RALGPS2: variants seen among roughly 807,000 people sequenced by gnomAD.
RALGPS2 encodes the protein ras-specific guanine nucleotide-releasing factor RalGPS2.
In RALGPS2, 43 loss-of-function variants were observed where a neutral mutation model predicts 86.8. That is an observed-to-expected ratio of 0.50 (90% CI 0.39 to 0.64). The LOEUF (loss-of-function observed/expected upper bound fraction) is 0.64. Ranked by LOEUF, RALGPS2 falls within the 30% of genes least tolerant of loss-of-function variation. The pLI is 0.00. For synonymous variants in RALGPS2, 243 were observed against 231.3 expected (o/e 1.05, Z -0.46); for missense variants, 536 against 694.6 (o/e 0.77, Z 2.57).
chr1:178,816,175 G>T (rs1481896378), intron 6 of RALGPS2, among the ~76,000 whole-genome samples: 1 of 151,934 alleles, frequency 6.6e-6, no homozygotes, highest in African/African-American at 2.4e-5. Flanking sequence ...AACCCGGTTG[G>T]TTTTACCACT....
At chr1:178,868,798 A>G (rs1380559846) in intron 8 of RALGPS2, among the ~76,000 whole-genome samples, 1 of 151,998 alleles carries the variant, frequency 6.6e-6, no homozygotes, top group Non-Finnish European at 1.5e-5. Flanking sequence ...GGAGGCAACT[A>G]AAAGTTTAGT....
chr1:178,739,691 T>C (rs961203469), intron 1 of RALGPS2, among the ~76,000 whole-genome samples: 15 of 152,202 alleles, frequency 9.9e-5, no homozygotes, highest in African/African-American at 3.4e-4. Flanking sequence ...TTCACTAACT[T>C]AGCGTGTCAC....
At chr1:178,895,978 A>G (rs1047922109) in intron 16 of RALGPS2, among the ~76,000 whole-genome samples, 3 of 152,066 alleles carry the variant, frequency 2.0e-5, no homozygotes, top group Non-Finnish European at 2.9e-5. Flanking sequence ...AGAAGAAAGT[A>G]TAGCTAGAGA....
In RALGPS2 at chr1:178,886,125, G is replaced by C; in HGVS notation, c.1192+5G>C. The stretch of plus-strand genomic sequence containing the variant: ...TTTCTAGTGGAATATCAATAGGTGA[G>C]AAATACTTCTCTGAGAGGGTTGCAA... On this transcript the variant is annotated splice_donor_5th_base_variant and intron_variant, in intron 13 of 19. Coordinates refer to ENST00000367635, the MANE Select transcript of RALGPS2 (RefSeq NM_152663.5). 1 of 1,605,946 alleles carries C rather than the reference G, an allele frequency of 6.2e-7. No individual in the cohort carries two copies.
At chr1:178,903,845 C>A (rs1660279710) in intron 18 of RALGPS2, among the ~76,000 whole-genome samples, 1 of 152,046 alleles carries the variant, frequency 6.6e-6, no homozygotes, top group Non-Finnish European at 1.5e-5. Flanking sequence ...ATAATGACTT[C>A]TTTTCCTCTG....
intron 7 of RALGPS2, among the ~76,000 whole-genome samples, chr1:178,832,164 A>G (rs1391903512): frequency 2.0e-5 from 3 of 152,214 alleles, no homozygotes; most frequent in African/African-American, 7.2e-5. Context: ...TTACTAATCA[A>G]GTATCTTGAA....
intron 8 of RALGPS2, among the ~76,000 whole-genome samples, chr1:178,847,669 T>G (rs1558147218): frequency 6.6e-6 from 1 of 152,202 alleles, no homozygotes; most frequent in African/African-American, 2.4e-5. Flanking sequence ...TAGTACAGAT[T>G]TATAAGTTAT....
chr1:178,769,146 C>T (rs1392079362), intron 1 of RALGPS2, among the ~76,000 whole-genome samples: 1 of 152,082 alleles, frequency 6.6e-6, no homozygotes, highest in East Asian at 1.9e-4. Context: ...TGGAGGTCTT[C>T]CTGGCCATAG....
At chr1:178,747,607 T>A in intron 1 of RALGPS2, 1 of 1,588,026 alleles carries the variant, frequency 6.3e-7, no homozygotes, top group Non-Finnish European at 8.6e-7. Flanking sequence ...TGTAACTCCT[T>A]TGTCCTCTTC....
At chr1:178,855,062 G>A (rs957877603) in intron 8 of RALGPS2, among the ~76,000 whole-genome samples, 18 of 152,112 alleles carry the variant, frequency 1.2e-4, no homozygotes, top group Non-Finnish European at 2.5e-4. Flanking sequence ...CTAGAAATAT[G>A]TGAGAGTTTA....
intron 16 of RALGPS2, among the ~76,000 whole-genome samples, chr1:178,894,513 G>A (rs1055876166): frequency 5.9e-5 from 9 of 152,014 alleles, no homozygotes; most frequent in Admixed American, 5.3e-4. Context: ...GGACACAAGG[G>A]TAGCACATAT....
At chr1:178,852,038 T>C (rs900583006) in intron 8 of RALGPS2, among the ~76,000 whole-genome samples, 1 of 152,174 alleles carries the variant, frequency 6.6e-6, no homozygotes, top group African/African-American at 2.4e-5. Flanking sequence ...ATCAAGCTTT[T>C]TTGTTATTCC....
In RALGPS2 at chr1:178,889,720, C is replaced by T. The variant is rs150577195; in HGVS notation, c.1247+24C>T. On this transcript the variant is annotated intron_variant, in intron 14 of 19. Coordinates refer to ENST00000367635, the MANE Select transcript of RALGPS2 (RefSeq NM_152663.5). Reference sequence around the variant, plus strand: ...AGGTAAGATAAATTGTCCATTTGAACTACTTGGAGTTTATTTTGTCTGGGT... The same window carrying T: ...AGGTAAGATAAATTGTCCATTTGAATTACTTGGAGTTTATTTTGTCTGGGT... 9.0e-5 allele frequency: 140 copies of T among 1,557,938 alleles called. 3 individuals carry two copies. The African/African-American group carries it at 1.6e-3, about 17-fold the overall frequency.
intron 1 of RALGPS2, among the ~76,000 whole-genome samples, chr1:178,776,380 C>G (rs1348887795): frequency 6.6e-6 from 1 of 152,118 alleles, no homozygotes; most frequent in Non-Finnish European, 1.5e-5. Flanking sequence ...ATTTTATTTA[C>G]TTTAAGAAAG....
intron 7 of RALGPS2, among the ~76,000 whole-genome samples, chr1:178,825,370 C>CT (rs1655699905): frequency 6.6e-6 from 1 of 151,990 alleles, no homozygotes; most frequent in African/African-American, 2.4e-5. Flanking sequence ...AAAAGGTAGG[C>CT]TGGTCAGTGG....
intron 13 of RALGPS2, 100 bp from the exon 14 acceptor site, chr1:178,889,542 C>A: frequency 1.2e-6 from 1 of 814,104 alleles, no homozygotes; most frequent in South Asian, 1.5e-5. Flanking sequence ...ATGCGATTGT[C>A]ATTTTATGAG....
chr1:178,792,199 C>T (rs1653988630), intron 4 of RALGPS2, among the ~76,000 whole-genome samples: 1 of 152,120 alleles, frequency 6.6e-6, no homozygotes, highest in Admixed American at 6.6e-5. Flanking sequence ...GAAAAGAATT[C>T]ACCATTAAAC....
At chr1:178,834,216 A>T (rs1167936643) in intron 8 of RALGPS2, among the ~76,000 whole-genome samples, 1 of 152,236 alleles carries the variant, frequency 6.6e-6, no homozygotes, top group African/African-American at 2.4e-5. Context: ...AATCAAACAT[A>T]AGGAAAATAC....
intron 7 of RALGPS2, 103 bp downstream of exon 7, chr1:178,821,807 CAA>C: frequency 1.1e-6 from 1 of 938,044 alleles, no homozygotes; most frequent in Non-Finnish European, 1.6e-6. Flanking sequence ...TAATGATAAT[CAA>C]TAAGGATTTT....
Sources: allele counts gnomAD v4.1 joint callset (sites outside exome capture counted in the v4.1 genomes callset), GRCh38; gene constraint gnomAD v4.1.1; transcripts MANE v1.5; gene names NCBI Gene and HGNC (gene_info 2026-07-23, HGNC 2026-07-21).